MTHFD1L: variants seen among roughly 807,000 people sequenced by gnomAD.
MTHFD1L encodes the protein methylenetetrahydrofolate dehydrogenase (NADP+ dependent) 1 like.
In MTHFD1L, 81 loss-of-function variants were observed where a neutral mutation model predicts 119.5. That is an observed-to-expected ratio of 0.68 (90% CI 0.57 to 0.82). MTHFD1L has a LOEUF of 0.82. Ranked by LOEUF, MTHFD1L falls within the 40% of genes least tolerant of loss-of-function variation. MTHFD1L has a pLI of 0.00. For missense variants in MTHFD1L, 1,125 were observed against 1,253.4 expected, an observed-to-expected ratio of 0.90 and a Z score of 1.55; for synonymous variants, 430 against 475.2, an observed-to-expected ratio of 0.90 and a Z score of 1.24.
chr6:151,082,904 C>T (rs1440664269), intron 26 of MTHFD1L, among the ~76,000 whole-genome samples: 1 of 152,194 alleles, frequency 6.6e-6, no homozygotes, highest in Non-Finnish European at 1.5e-5. Context: ...CCCTGTCTCC[C>T]GATAATGCTT....
chr6:151,069,547 C>CT (rs1200243903), intron 26 of MTHFD1L, among the ~76,000 whole-genome samples: 2 of 152,188 alleles, frequency 1.3e-5, no homozygotes, highest in Non-Finnish European at 2.9e-5. Flanking sequence ...AGATATACAA[C>CT]TTTGACTTTC....
chr6:150,888,692 AAGAG>A (rs921688569), intron 7 of MTHFD1L, among the ~76,000 whole-genome samples: 3 of 152,222 alleles, frequency 2.0e-5, no homozygotes, highest in African/African-American at 7.2e-5. Flanking sequence ...ATAAAGGACA[AAGAG>A]AGTCAAGACA....
chr6:150,876,716 C>T (rs777449683), intron 2 of MTHFD1L, among the ~76,000 whole-genome samples: 5 of 152,204 alleles, frequency 3.3e-5, no homozygotes, highest in South Asian at 2.1e-4. Context: ...CTGCTTGGCA[C>T]ACTTGTGTGA....
chr6:151,017,320 G>A (rs544460269), intron 24 of MTHFD1L, among the ~76,000 whole-genome samples: 6 of 151,404 alleles, frequency 4.0e-5, no homozygotes, highest in South Asian at 2.1e-4. Flanking sequence ...CATAATGTGC[G>A]TGCATGTTGT....
intron 10 of MTHFD1L, among the ~76,000 whole-genome samples, chr6:150,924,667 G>A (rs979463800): frequency 2.0e-5 from 3 of 151,254 alleles, no homozygotes; most frequent in Admixed American, 6.6e-5. Flanking sequence ...TAGTAGAGAC[G>A]GGATTTTGCT....
Position 151,078,352 on chromosome 6 carries a change from G to A in MTHFD1L, c.2848-14115G>A, listed in dbSNP as rs138302739. The stretch of plus-strand genomic sequence containing the variant: ...ACTCACTCAGGAGGATGAGGTAGGA[G>A]AATTGCAAGTAAATGAGCAAGTAAA... On this transcript the variant is annotated intron_variant, in intron 26 of 27. Transcript: ENST00000367321. Among the ~76,000 whole-genome samples the A allele has an allele frequency of 4.6e-3, 701 of 152,254 alleles. 12 individuals are homozygous for A. Among genetic ancestry groups the A allele is most frequent in the African/African-American group, 0.014 (601 of 41,518 alleles).
At chr6:151,026,718 T>C (rs558038160) in intron 24 of MTHFD1L, among the ~76,000 whole-genome samples, 3 of 151,928 alleles carry the variant, frequency 2.0e-5, no homozygotes, top group Admixed American at 1.3e-4. Context: ...AGACAGAATA[T>C]TCACTATGTC....
chr6:151,085,064 T>A (rs935058020), intron 26 of MTHFD1L, among the ~76,000 whole-genome samples: 1 of 149,628 alleles, frequency 6.7e-6, no homozygotes, highest in Non-Finnish European at 1.5e-5. Flanking sequence ...ATTGTTTATA[T>A]AGGAATCAAA....
chr6:151,097,905 T>C (rs1795022094), intron 27 of MTHFD1L, among the ~76,000 whole-genome samples: 1 of 152,180 alleles, frequency 6.6e-6, no homozygotes, highest in Non-Finnish European at 1.5e-5. Flanking sequence ...CCAGGTGTGG[T>C]GGCTCATGCT....
At chr6:151,047,568 A>G (rs903093011) in intron 26 of MTHFD1L, among the ~76,000 whole-genome samples, 4 of 152,164 alleles carry the variant, frequency 2.6e-5, no homozygotes, top group African/African-American at 9.7e-5. Context: ...GCCATTTGTA[A>G]TGAAGGTACC....
intron 26 of MTHFD1L, 33 bp downstream of exon 26, chr6:151,037,150 C>T: frequency 1.9e-6 from 3 of 1,610,210 alleles, no homozygotes; most frequent in African/African-American, 2.7e-5. Flanking sequence ...AAACCCTCCC[C>T]ATTCTGCATT....
chr6:151,015,109 T>C (rs1782838542), intron 23 of MTHFD1L, 129 bp downstream of exon 23: 1 of 710,842 alleles, frequency 1.4e-6, no homozygotes. Context: ...CAGTTCTTTC[T>C]GTTTGTTTAT....
At chr6:150,887,005 A>AG (rs1300321081) in intron 6 of MTHFD1L, among the ~76,000 whole-genome samples, 7 of 151,692 alleles carry the variant, frequency 4.6e-5, no homozygotes, top group African/African-American at 1.7e-4. Flanking sequence ...AAAAAAAAAA[A>AG]AAAAGAAAAG....
At chr6:150,897,507 A>G (rs1041155195) in intron 7 of MTHFD1L, among the ~76,000 whole-genome samples, 6 of 152,138 alleles carry the variant, frequency 3.9e-5, no homozygotes, top group African/African-American at 1.4e-4. Context: ...TCTGTGGGAA[A>G]CTTCATCTGG....
chr6:150,896,815 G>A (rs1166708230), intron 7 of MTHFD1L, among the ~76,000 whole-genome samples: 2 of 152,046 alleles, frequency 1.3e-5, no homozygotes, highest in Admixed American at 6.6e-5. Context: ...ATGAGACCAA[G>A]AAGGGGCTGT....
rs1554275383 is a variant in MTHFD1L at position 150,998,995 on chromosome 6, A to AT, written c.2126-10824_2126-10823insT. On this transcript the variant is annotated intron_variant, in intron 20 of 27. Coordinates refer to ENST00000367321, the MANE Select transcript of MTHFD1L (RefSeq NM_015440.5). Reference sequence around the variant, plus strand: ...ACAGAGGGAGACCCTGTCTTAAAAAAATATATATACATATATATATATAGT... The same window carrying AT: ...ACAGAGGGAGACCCTGTCTTAAAAAATATATATATACATATATATATATAGT... 1.5e-4 allele frequency among the ~76,000 whole-genome samples: 21 copies of AT among 143,586 alleles called. 1 individual carries two copies. Among genetic ancestry groups the AT allele is most frequent in the South Asian group, 2.2e-4 (1 of 4,552 alleles). 94.2% of individuals were successfully genotyped at this position (143,586 alleles called of 152,430 possible).
intron 4 of MTHFD1L, among the ~76,000 whole-genome samples, chr6:150,880,861 CA>C: frequency 6.6e-6 from 1 of 152,264 alleles, no homozygotes; most frequent in African/African-American, 2.4e-5. Context: ...AGTGTTTTGT[CA>C]TATACCTGCA....
At chr6:150,928,161 C>T (rs144205154) in intron 11 of MTHFD1L, among the ~76,000 whole-genome samples, 64 of 152,072 alleles carry the variant, frequency 4.2e-4, no homozygotes, top group African/African-American at 1.4e-3. Context: ...ACAGGCCAAG[C>T]GCGGTGGCTC....
chr6:150,975,033 C>T (rs777615419), intron 20 of MTHFD1L, among the ~76,000 whole-genome samples: 6 of 152,082 alleles, frequency 3.9e-5, no homozygotes, highest in East Asian at 1.9e-4. Flanking sequence ...CCACCACACC[C>T]GGCTAGAATT....
Sources: gnomAD v4.1 joint callset for allele counts (sites outside exome capture counted in the v4.1 genomes callset) on GRCh38, gnomAD v4.1.1 for gene constraint, MANE v1.5 for transcripts, NCBI Gene and HGNC (gene_info 2026-07-23, HGNC 2026-07-21) for gene names.